Variants in NRG3 observed in about 807,000 individuals in gnomAD.
NRG3 encodes the protein pro-neuregulin-3, membrane-bound isoform.
In NRG3, 31 loss-of-function variants were observed where a neutral mutation model predicts 66.9. The observed-to-expected ratio is 0.46, with a 90% CI of 0.35 to 0.63. The LOEUF (loss-of-function observed/expected upper bound fraction) is 0.63. Ranked by LOEUF, NRG3 falls within the 20% of genes least tolerant of loss-of-function variation. The pLI is 0.00. For synonymous variants in NRG3, 393 were observed against 359.4 expected (o/e 1.09, Z -1.06); for missense variants, 910 against 878.9 (o/e 1.04, Z -0.45).
intron 1 of NRG3, among the ~76,000 whole-genome samples, chr10:81,876,462 G>A (rs1841662739): frequency 6.6e-6 from 1 of 152,160 alleles, no homozygotes; most frequent in Non-Finnish European, 1.5e-5. Context: ...GTTAACGCGA[G>A]TGCGATCCCT....
intron 4 of NRG3, among the ~76,000 whole-genome samples, chr10:82,903,394 A>T (rs1382610430): frequency 6.6e-6 from 1 of 152,142 alleles, no homozygotes; most frequent in Non-Finnish European, 1.5e-5. Context: ...TGTTTAGTGC[A>T]GTACCTTAAA....
At chr10:82,505,336 A>G (rs890254079) in intron 2 of NRG3, among the ~76,000 whole-genome samples, 4 of 152,268 alleles carry the variant, frequency 2.6e-5, no homozygotes, top group African/African-American at 7.2e-5. Context: ...AGAAAGGGCC[A>G]GAGTAGCCAC....
intron 1 of NRG3, among the ~76,000 whole-genome samples, chr10:82,192,629 A>G (rs572162235): frequency 7.2e-4 from 109 of 152,130 alleles, no homozygotes; most frequent in Non-Finnish European, 1.1e-3. Context: ...CCTGCATCCC[A>G]TTGTCCCTAT....
At chr10:82,214,719 C>G (rs1457519855) in intron 1 of NRG3, among the ~76,000 whole-genome samples, 1 of 152,186 alleles carries the variant, frequency 6.6e-6, no homozygotes, top group African/African-American at 2.4e-5. Context: ...ATCCTCCCAC[C>G]TCAGCCTCCC....
At chr10:82,176,049 C>T (rs2073009944) in intron 1 of NRG3, among the ~76,000 whole-genome samples, 1 of 152,140 alleles carries the variant, frequency 6.6e-6, no homozygotes, top group African/African-American at 2.4e-5. Context: ...TAAGACATTA[C>T]CCTTGCATCC....
At chr10:82,834,339 C>A (rs4570526) in intron 3 of NRG3, among the ~76,000 whole-genome samples, 1 of 152,152 alleles carries the variant, frequency 6.6e-6, no homozygotes, top group Non-Finnish European at 1.5e-5. Flanking sequence ...CCGTTCACTC[C>A]TGAGACTAAT....
chr10:82,168,173 C>CTT (rs1180747888), intron 1 of NRG3, among the ~76,000 whole-genome samples: 1 of 152,058 alleles, frequency 6.6e-6, no homozygotes, highest in East Asian at 1.9e-4. Context: ...CATTTGTCTT[C>CTT]TTTCTATGGT....
intron 1 of NRG3, among the ~76,000 whole-genome samples, chr10:82,174,931 T>A (rs922861857): frequency 2.0e-5 from 3 of 152,170 alleles, no homozygotes; most frequent in African/African-American, 7.2e-5. Context: ...TACAAATTCC[T>A]GAAACAGTAC....
chr10:82,983,811 G>A (rs941756992), intron 8 of NRG3, among the ~76,000 whole-genome samples: 3 of 152,218 alleles, frequency 2.0e-5, no homozygotes, highest in Admixed American at 6.5e-5. Flanking sequence ...ATGTATTCAT[G>A]TGTTCACTCA....
intron 1 of NRG3, among the ~76,000 whole-genome samples, chr10:81,980,962 T>C (rs1299438254): frequency 6.7e-6 from 1 of 150,038 alleles, no homozygotes; most frequent in East Asian, 2.1e-4. Context: ...TAATCACCTC[T>C]TGCTCTTGCT....
intron 1 of NRG3, among the ~76,000 whole-genome samples, chr10:82,235,622 C>G (rs1272319451): frequency 1.3e-5 from 2 of 152,172 alleles, no homozygotes; most frequent in African/African-American, 4.8e-5. Context: ...TCATAGAGCT[C>G]TATCTCACCT....
At chr10:82,102,141 T>TGTGTATTC (rs2066790946) in intron 1 of NRG3, among the ~76,000 whole-genome samples, 2 of 39,266 alleles carry the variant, frequency 5.1e-5, no homozygotes, top group Admixed American at 2.5e-4. Context: ...TTCATATATA[T>TGTGTATTC]ATATATATAT....
In NRG3 at chr10:81,905,733, T is replaced by C. The variant is rs536129028; in HGVS notation, c.823+29570T>C. On this transcript the variant is annotated intron_variant, in intron 1 of 8. Coordinates refer to ENST00000372141, the MANE Select transcript of NRG3 (RefSeq NM_001010848.4). The stretch of plus-strand genomic sequence containing the variant: ...TTAACTGTGCCCAGTTTTTGTGTTT[T>C]CTTCATGTCCTTTGAAAATCAGCCC... 1.4e-4 allele frequency among the ~76,000 whole-genome samples: 21 copies of C among 152,320 alleles called. No homozygotes were observed. In the South Asian group the frequency reaches 3.3e-3, roughly 24 times the overall value.
intron 1 of NRG3, among the ~76,000 whole-genome samples, chr10:82,055,460 G>A (rs2063795571): frequency 7.2e-6 from 1 of 138,692 alleles, no homozygotes; most frequent in Non-Finnish European, 1.5e-5. Context: ...CTGGGCGACA[G>A]AGTGAGACTC....
intron 1 of NRG3, among the ~76,000 whole-genome samples, chr10:82,342,784 A>G (rs2082751101): frequency 6.9e-6 from 1 of 145,640 alleles, no homozygotes; most frequent in Non-Finnish European, 1.5e-5. Context: ...ACTCTCACTT[A>G]TATATTTTTG....
At chr10:82,922,642 C>T (rs962560847) in intron 4 of NRG3, among the ~76,000 whole-genome samples, 2 of 152,118 alleles carry the variant, frequency 1.3e-5, no homozygotes, top group Non-Finnish European at 1.5e-5. Context: ...AGGATGCCAT[C>T]ATAGAAACAT....
At chr10:82,467,839 C>G (rs889651852) in intron 2 of NRG3, among the ~76,000 whole-genome samples, 1 of 152,074 alleles carries the variant, frequency 6.6e-6, no homozygotes, top group East Asian at 1.9e-4. Context: ...AAGGATATAT[C>G]ATATTAAATT....
chr10:82,950,863 A>G (rs1011556658), intron 4 of NRG3, among the ~76,000 whole-genome samples: 5 of 152,228 alleles, frequency 3.3e-5, no homozygotes, highest in African/African-American at 1.2e-4. Flanking sequence ...GTGATAAGCT[A>G]CAAGGTATGA....
intron 2 of NRG3, among the ~76,000 whole-genome samples, chr10:82,404,243 C>A (rs904910155): frequency 6.6e-6 from 1 of 152,110 alleles, no homozygotes; most frequent in African/African-American, 2.4e-5. Context: ...GCATTGCTCA[C>A]CCCTTCGGGA....
Sources: allele counts gnomAD v4.1 joint callset (sites outside exome capture counted in the v4.1 genomes callset), GRCh38; gene constraint gnomAD v4.1.1; transcripts MANE v1.5; gene names NCBI Gene and HGNC (gene_info 2026-07-23, HGNC 2026-07-21).